KIAA1549L: variants seen among roughly 807,000 people sequenced by gnomAD.
KIAA1549L encodes UPF0606 protein KIAA1549L.
A neutral mutation model predicts 160.7 loss-of-function variants in KIAA1549L; 88 were observed. The observed-to-expected ratio is 0.55, with a 90% confidence interval of 0.46 to 0.65. KIAA1549L has a LOEUF of 0.65. KIAA1549L is among the 30% of genes least tolerant of loss of function. The pLI is 0.00. For synonymous variants in KIAA1549L, 950 were observed against 976.7 expected, an observed-to-expected ratio of 0.97 and a Z score of 0.51; for missense variants, 2,258 against 2,437.5, an observed-to-expected ratio of 0.93 and a Z score of 1.55.
rs1238225921 is a variant in KIAA1549L at position 33,376,936 on chromosome 11, G to A, written c.238+47G>A. Reference sequence around the variant, plus strand: ...GTCCGCGGAGGTTTCTGGAGGAGCGGGGCGGCGGGACGGGACCCACACCTG... The same window carrying A: ...GTCCGCGGAGGTTTCTGGAGGAGCGAGGCGGCGGGACGGGACCCACACCTG... On this transcript the variant is annotated intron_variant, in intron 1 of 20. Coordinates refer to ENST00000658780, the MANE Select transcript of KIAA1549L (RefSeq NM_012194.3). This position sits in a 1 kb window ranked among gnomAD's most constrained non-coding sequence, Gnocchi z 5.8. 1 of 152,370 alleles carries A rather than the reference G, an allele frequency of 6.6e-6. No homozygotes were observed. The highest frequency in any genetic ancestry group is 2.4e-5 in the African/African-American group (1 of 41,456). The allele number at this position is 152,370 out of a possible 1,614,324, so 9.4% of individuals were successfully genotyped here. A position where few individuals can be genotyped will look rare whatever the true frequency, so the allele number is the denominator to read the frequency against.
intron 10 of KIAA1549L, among the ~76,000 whole-genome samples, chr11:33,582,103 G>A (rs1031467709): frequency 2.6e-5 from 4 of 152,158 alleles, no homozygotes; most frequent in Non-Finnish European, 5.9e-5. Flanking sequence ...ATTACTAAAA[G>A]CAGGAGCAAT....
chr11:33,603,920 G>A (rs1041311180), intron 13 of KIAA1549L, among the ~76,000 whole-genome samples: 6 of 152,126 alleles, frequency 3.9e-5, no homozygotes, highest in South Asian at 4.1e-4. Context: ...GGATCTTGGC[G>A]GGAAGACCTT....
At chr11:33,656,663 T>G (rs1366880190) in intron 18 of KIAA1549L, among the ~76,000 whole-genome samples, 1 of 152,190 alleles carries the variant, frequency 6.6e-6, no homozygotes, top group African/African-American at 2.4e-5. Context: ...CCCTGAGCAC[T>G]GGGAAAGGCT....
At chr11:33,447,031 G>A (rs929812019) in intron 1 of KIAA1549L, among the ~76,000 whole-genome samples, 33 of 152,216 alleles carry the variant, frequency 2.2e-4, no homozygotes, top group African/African-American at 7.7e-4. Context: ...ACATATAATC[G>A]TACAAAAAGT....
At chr11:33,398,054 T>C (rs1850423235) in intron 1 of KIAA1549L, among the ~76,000 whole-genome samples, 1 of 151,406 alleles carries the variant, frequency 6.6e-6, no homozygotes, top group African/African-American at 2.4e-5. Flanking sequence ...CCCGTGTAGC[T>C]GGGATTACAG....
Position 33,542,454 on chromosome 11 carries a change from A to G in KIAA1549L, c.891A>G (p.Glu297=), listed in dbSNP as rs1283916151. ...IANPLIPFSD[E]MDHTASQNAQ... The stretch of plus-strand genomic sequence containing the variant: ...ATCCCTTAATCCCATTTTCTGATGA[A>G]ATGGACCACACTGCATCCCAAAATG... The change falls in exon 2 of 21, where the codon GAA becomes GAG. Residue 297 remains glutamate (E), a synonymous_variant. Transcript: ENST00000658780. 6.2e-7 allele frequency: 1 copy of G among 1,608,816 alleles called. No homozygotes were observed. Among genetic ancestry groups the G allele is most frequent in the Non-Finnish European group, 8.5e-7 (1 of 1,177,368 alleles).
At chr11:33,561,596 A>G in intron 7 of KIAA1549L, 80 bp from the exon 8 acceptor site, 1 of 1,131,110 alleles carries the variant, frequency 8.8e-7, no homozygotes, top group East Asian at 2.4e-5. Flanking sequence ...TCAAGATCCC[A>G]TCTCAAATAT....
chr11:33,551,191 TAC>T lies in KIAA1549L; in HGVS notation c.3655_3656del (p.Gln1219ValfsTer105). On this transcript the variant is annotated frameshift_variant, in exon 5 of 21. Transcript: ENST00000658780. LOFTEE classifies it high-confidence loss of function. ...GACCTGAAGCAACACACCCCACACT[TAC>T]AGTCTGTGGCAGTACTTGCCTCCCC... 1 of 1,613,938 alleles carries T rather than the reference TAC, an allele frequency of 6.2e-7. No individual in the cohort carries two copies. Among genetic ancestry groups the T allele is most frequent in the Non-Finnish European group, 8.5e-7 (1 of 1,179,862 alleles).
chr11:33,588,047 C>T (rs868355880), intron 11 of KIAA1549L, among the ~76,000 whole-genome samples: 1 of 152,172 alleles, frequency 6.6e-6, no homozygotes, highest in Non-Finnish European at 1.5e-5. Flanking sequence ...CTCTGTGAGC[C>T]TGCGTAAGCT....
rs71457306 is a variant in KIAA1549L, at chr11:33,530,414, GAAAAAAAAAAAAAA to G, written c.239-11378_239-11365del. 1.2e-4 allele frequency among the ~76,000 whole-genome samples: 2 copies of G among 16,558 alleles called. 1 individual carries two copies. The highest frequency in any genetic ancestry group is 1.7e-3 in the Admixed American group (2 of 1,210). The allele number at this position is 16,558 out of a possible 152,430, so 10.9% of individuals were successfully genotyped here. A position where few individuals can be genotyped will look rare whatever the true frequency, so the allele number is the denominator to read the frequency against. Reference sequence around the variant, plus strand: ...GAGACTCCGTCTAAAGAAGAAGAAGGAAAAAAAAAAAAAAAAAAAAAAATATATATATATATATA... The same window carrying G: ...GAGACTCCGTCTAAAGAAGAAGAAGGAAAAAAAAATATATATATATATATA... On this transcript the variant is annotated intron_variant, in intron 1 of 20. Coordinates refer to ENST00000658780, the MANE Select transcript of KIAA1549L (RefSeq NM_012194.3).
chr11:33,403,624 A>C (rs1174151539), intron 1 of KIAA1549L: 1 of 152,240 alleles, frequency 6.6e-6, no homozygotes, highest in Non-Finnish European at 1.5e-5. Flanking sequence ...ACACACACAG[A>C]CATAACACCC....
intron 11 of KIAA1549L, among the ~76,000 whole-genome samples, chr11:33,590,780 T>G (rs1270281286): frequency 1.3e-5 from 2 of 151,894 alleles, no homozygotes; most frequent in Non-Finnish European, 2.9e-5. Flanking sequence ...AGGTTCAGAG[T>G]TCAAGTGGCT....
chr11:33,504,153 CG>C (rs1339734899), intron 1 of KIAA1549L, among the ~76,000 whole-genome samples: 1 of 151,886 alleles, frequency 6.6e-6, no homozygotes, highest in Non-Finnish European at 1.5e-5. Flanking sequence ...CCCAGCTACT[CG>C]GGAGGCTGAG....
At chr11:33,484,412 T>C (rs1461496110) in intron 1 of KIAA1549L, among the ~76,000 whole-genome samples, 1 of 152,214 alleles carries the variant, frequency 6.6e-6, no homozygotes, top group African/African-American at 2.4e-5. Context: ...GGCTATTTCT[T>C]CTATGTTGTG....
chr11:33,493,413 C>T (rs891634722), intron 1 of KIAA1549L, among the ~76,000 whole-genome samples: 14 of 152,114 alleles, frequency 9.2e-5, no homozygotes, highest in African/African-American at 2.9e-4. Context: ...AAATAAATGT[C>T]TTTTCTTTAT....
At chr11:33,429,529 C>G (rs1230739183) in intron 1 of KIAA1549L, among the ~76,000 whole-genome samples, 2 of 152,132 alleles carry the variant, frequency 1.3e-5, no homozygotes, top group African/African-American at 4.8e-5. Context: ...ATGTATTGCC[C>G]TCACGGCAGC....
At chr11:33,618,739 T>A in intron 16 of KIAA1549L, 77 bp downstream of exon 16, 1 of 1,290,316 alleles carries the variant, frequency 7.8e-7, no homozygotes, top group Non-Finnish European at 1.0e-6. Context: ...TCCCACTGTG[T>A]TTTGGTTTAC....
intron 1 of KIAA1549L, among the ~76,000 whole-genome samples, chr11:33,452,525 G>T (rs919622643): frequency 6.6e-6 from 1 of 152,126 alleles, no homozygotes; most frequent in Non-Finnish European, 1.5e-5. Flanking sequence ...GGAGAATGGC[G>T]TGAACCCAGG....
chr11:33,448,843 G>A (rs567440357), intron 1 of KIAA1549L, among the ~76,000 whole-genome samples: 1 of 152,286 alleles, frequency 6.6e-6, no homozygotes, highest in Non-Finnish European at 1.5e-5. Flanking sequence ...TATGAACACA[G>A]ACAACCTTTG....
Sources: gnomAD v4.1 joint callset for allele counts (sites outside exome capture counted in the v4.1 genomes callset) on GRCh38, gnomAD v4.1.1 for gene constraint, Gnocchi (gnomAD v3.1) non-coding constraint, MANE v1.5 for transcripts, NCBI Gene and HGNC (gene_info 2026-07-23, HGNC 2026-07-21) for gene names.